Variants in KCNJ6 observed in about 807,000 individuals in gnomAD.
KCNJ6 encodes the protein potassium inwardly rectifying channel subfamily J member 6.
In KCNJ6, 9 loss-of-function variants were observed where a neutral mutation model predicts 34.2. The ratio of observed to expected loss-of-function variants is 0.26; its 90% CI spans 0.16 to 0.46. KCNJ6 has a LOEUF of 0.46. Among genes scored for constraint, KCNJ6 ranks in the 20% least tolerant of loss-of-function variants. The pLI is 1.00. For synonymous variants in KCNJ6, 196 were observed against 207.1 expected (o/e 0.95, Z 0.46); for missense variants, 236 against 531.3 (o/e 0.44, Z 5.46).
At chr21:37,847,226 T>C (rs140097958) in intron 1 of KCNJ6, among the ~76,000 whole-genome samples, 5 of 152,346 alleles carry the variant, frequency 3.3e-5, no homozygotes, top group Non-Finnish European at 7.3e-5. Context: ...ACTGCATTAG[T>C]ACATTAGACT....
At chr21:37,801,710 C>T (rs946332386) in intron 2 of KCNJ6, among the ~76,000 whole-genome samples, 5 of 150,578 alleles carry the variant, frequency 3.3e-5, no homozygotes, top group African/African-American at 1.2e-4. Flanking sequence ...TAAGGCATTT[C>T]CCCTCCTAGG....
At chr21:37,786,946 C>A (rs1396749247) in intron 2 of KCNJ6, among the ~76,000 whole-genome samples, 3 of 152,152 alleles carry the variant, frequency 2.0e-5, no homozygotes, top group Non-Finnish European at 1.5e-5. Context: ...TTCCAGCAGA[C>A]AATAAATTCC....
intron 2 of KCNJ6, among the ~76,000 whole-genome samples, chr21:37,769,579 C>T: frequency 1.3e-5 from 2 of 151,858 alleles, no homozygotes. Flanking sequence ...CACTGAGACG[C>T]CTCCGAGAAA....
chr21:37,898,171 G>C (rs1179328236), intron 1 of KCNJ6, among the ~76,000 whole-genome samples: 1 of 152,198 alleles, frequency 6.6e-6, no homozygotes, highest in African/African-American at 2.4e-5. Flanking sequence ...GGTTGCTGAC[G>C]CTAGCCTGGC....
chr21:37,864,695 T>C (rs2055613192), intron 1 of KCNJ6, among the ~76,000 whole-genome samples: 1 of 152,160 alleles, frequency 6.6e-6, no homozygotes, highest in African/African-American at 2.4e-5. Context: ...ACAGGAGCTG[T>C]CTCTTCAAAG....
At chr21:37,710,720 A>G (rs991489562) in intron 3 of KCNJ6, among the ~76,000 whole-genome samples, 70 of 152,348 alleles carry the variant, frequency 4.6e-4, no homozygotes, top group African/African-American at 1.6e-3. Flanking sequence ...ATAACAGTCT[A>G]TATGAATGCT....
At chr21:37,787,047 G>A (rs1025819853) in intron 2 of KCNJ6, among the ~76,000 whole-genome samples, 2 of 152,120 alleles carry the variant, frequency 1.3e-5, no homozygotes, top group Admixed American at 1.3e-4. Flanking sequence ...CAGAGTTGAT[G>A]TTACTCATTT....
In KCNJ6 at chr21:37,904,858, AC is replaced by A. The variant is rs555205772; in HGVS notation, c.-28+11025del. ...AATGGTCTCATCATATTCAGGATGA[AC>A]AAGTTTCCCATTCACAGCAAATCCC... On this transcript the variant is annotated intron_variant, in intron 1 of 3. Transcript: ENST00000609713. Among the ~76,000 whole-genome samples, 3 of 152,368 alleles carry A rather than the reference AC, an allele frequency of 2.0e-5. No individual in the cohort carries two copies. In the East Asian group the frequency reaches 5.8e-4, roughly 29 times the overall value.
chr21:37,708,649 C>T (rs2054734076), intron 3 of KCNJ6, among the ~76,000 whole-genome samples: 1 of 152,070 alleles, frequency 6.6e-6, no homozygotes, highest in Non-Finnish European at 1.5e-5. Flanking sequence ...GAGTTTTACC[C>T]AAGTTCTTAG....
intron 1 of KCNJ6, among the ~76,000 whole-genome samples, chr21:37,882,568 A>T (rs2055714727): frequency 6.6e-6 from 1 of 152,196 alleles, no homozygotes; most frequent in Non-Finnish European, 1.5e-5. Context: ...AAGAAGGCAG[A>T]CAGGTATAAC....
At chr21:37,725,073 G>A (rs1010319972) in intron 2 of KCNJ6, among the ~76,000 whole-genome samples, 3 of 151,636 alleles carry the variant, frequency 2.0e-5, no homozygotes, top group African/African-American at 7.3e-5. Context: ...TTTACAACAC[G>A]ACACATATAT....
intron 2 of KCNJ6, among the ~76,000 whole-genome samples, chr21:37,811,861 G>A (rs189216836): frequency 6.6e-6 from 1 of 152,224 alleles, no homozygotes; most frequent in East Asian, 1.9e-4. Context: ...AATATGGAGA[G>A]GTGGTTATGC....
intron 2 of KCNJ6, among the ~76,000 whole-genome samples, chr21:37,750,470 G>C (rs965616649): frequency 1.3e-5 from 2 of 152,142 alleles, no homozygotes; most frequent in African/African-American, 4.8e-5. Flanking sequence ...CAAAGACTTG[G>C]AACCAACCTA....
At chr21:37,738,461 C>T (rs767587008) in intron 2 of KCNJ6, among the ~76,000 whole-genome samples, 11 of 152,198 alleles carry the variant, frequency 7.2e-5, no homozygotes, top group Admixed American at 2.6e-4. Flanking sequence ...GAATTCTCAA[C>T]GCAAGTACAT....
At chr21:37,676,426 C>T (rs1037512020) in intron 3 of KCNJ6, among the ~76,000 whole-genome samples, 1 of 151,956 alleles carries the variant, frequency 6.6e-6, no homozygotes, top group Non-Finnish European at 1.5e-5. Flanking sequence ...ACACCAGGCA[C>T]CTGATGGATC....
intron 2 of KCNJ6, among the ~76,000 whole-genome samples, chr21:37,798,576 A>G (rs2055254530): frequency 6.6e-6 from 1 of 152,242 alleles, no homozygotes; most frequent in Non-Finnish European, 1.5e-5. Context: ...CCAGGACGGA[A>G]TATGATTCAG....
At chr21:37,872,407 C>T (rs2055657018) in intron 1 of KCNJ6, among the ~76,000 whole-genome samples, 1 of 152,172 alleles carries the variant, frequency 6.6e-6, no homozygotes, top group South Asian at 2.1e-4. Context: ...AAGGCTTCCT[C>T]TGTGTCACCG....
In KCNJ6 at chr21:37,618,030, G is replaced by T. The variant is rs1031901764; in HGVS notation, c.*7129C>A. 6.6e-6 allele frequency: 1 copy of T among 152,278 alleles called. No homozygotes were observed. Among genetic ancestry groups the T allele is most frequent in the Non-Finnish European group, 1.5e-5 (1 of 68,120 alleles). The allele number at this position is 152,278 out of a possible 1,614,324, so 9.4% of individuals were successfully genotyped here. A position where few individuals can be genotyped will look rare whatever the true frequency, so the allele number is the denominator to read the frequency against. On this transcript the variant is annotated 3_prime_UTR_variant, in exon 4 of 4. Coordinates refer to ENST00000609713, the MANE Select transcript of KCNJ6 (RefSeq NM_002240.5). ...AAGCTCCCCTAGAGAGACCTCAGTG[G>T]GTGGGCATGGCTGAGGATTTTGTTC...
At chr21:37,738,823 T>C (rs2054925896) in intron 2 of KCNJ6, among the ~76,000 whole-genome samples, 1 of 152,232 alleles carries the variant, frequency 6.6e-6, no homozygotes, top group Non-Finnish European at 1.5e-5. Flanking sequence ...GATTAAGTGC[T>C]GGATAATTCT....
Sources: gnomAD v4.1 joint callset for allele counts (sites outside exome capture counted in the v4.1 genomes callset) on GRCh38, gnomAD v4.1.1 for gene constraint, MANE v1.5 for transcripts, NCBI Gene and HGNC (gene_info 2026-07-23, HGNC 2026-07-21) for gene names.